Variants in USH2A observed in about 807,000 individuals in gnomAD.
USH2A encodes the protein Usher syndrome 2A (autosomal recessive, mild).
In USH2A, 443 loss-of-function variants were observed where a neutral mutation model predicts 538.9. That is an observed-to-expected ratio of 0.82 (90% CI 0.76 to 0.89). The LOEUF (loss-of-function observed/expected upper bound fraction) is 0.89. Ranked by LOEUF, USH2A falls within the 40% of genes least tolerant of loss-of-function variation. USH2A has a pLI of 0.00. For synonymous variants in USH2A, 2,413 were observed against 2,273.5 expected (o/e 1.06, Z -1.75); for missense variants, 6,633 against 6,324.8 (o/e 1.05, Z -1.65).
intron 41 of USH2A, among the ~76,000 whole-genome samples, chr1:215,879,962 G>A (rs1664866139): frequency 6.6e-6 from 1 of 152,042 alleles, no homozygotes; most frequent in Non-Finnish European, 1.5e-5. Context: ...TTATATAAAT[G>A]CCAGGATATA....
chr1:216,028,540 T>G (rs578092919), intron 32 of USH2A, among the ~76,000 whole-genome samples: 1 of 152,226 alleles, frequency 6.6e-6, no homozygotes, highest in East Asian at 1.9e-4. Flanking sequence ...TGTTTCTATT[T>G]AAGGAAGACA....
chr1:215,717,421 G>T (rs1250748054), intron 61 of USH2A, among the ~76,000 whole-genome samples: 1 of 152,176 alleles, frequency 6.6e-6, no homozygotes, highest in Non-Finnish European at 1.5e-5. Context: ...TGGTTCCATA[G>T]AATGAGTGCT....
rs148940586 is a variant in USH2A at position 215,960,773 on chromosome 1, C to T, written c.7120+4544G>A. ...CATTCACATGTGTTTGTGCTCTCTC[C>T]GTCATTCTCTTTAGTTTTTCCATAT... On this transcript the variant is annotated intron_variant, in intron 37 of 71. Transcript: ENST00000307340. 1.1e-4 allele frequency among the ~76,000 whole-genome samples: 17 copies of T among 152,076 alleles called. No homozygotes were observed. The East Asian group carries it at 1.5e-3, about 14-fold the overall frequency.
chr1:215,760,107 T>TA (rs1660936592), intron 56 of USH2A, among the ~76,000 whole-genome samples: 1 of 152,354 alleles, frequency 6.6e-6, no homozygotes, highest in South Asian at 2.1e-4. Context: ...GAGAGTATTT[T>TA]AAATCAAGGC....
chr1:216,377,863 GAAAGAAGGAAAGAAAGA>G (rs2038863141), intron 3 of USH2A, among the ~76,000 whole-genome samples: 2 of 135,688 alleles, frequency 1.5e-5, no homozygotes, highest in African/African-American at 5.5e-5. Context: ...AAGAAAGAAA[GAAAGAAGGAAAGAAAGA>G]AAGGAAGGAA....
intron 37 of USH2A, among the ~76,000 whole-genome samples, chr1:215,938,151 T>C (rs1174351445): frequency 6.6e-6 from 1 of 152,072 alleles, no homozygotes; most frequent in Non-Finnish European, 1.5e-5. Context: ...ACATAACCAT[T>C]TTGCTCAGCT....
At chr1:216,043,100 T>C (rs2030358226) in intron 32 of USH2A, among the ~76,000 whole-genome samples, 1 of 152,200 alleles carries the variant, frequency 6.6e-6, no homozygotes, top group Admixed American at 6.6e-5. Flanking sequence ...GGGGTCTTTC[T>C]TTTAGAGTTC....
At chr1:216,315,937 T>G (rs2037499572) in intron 9 of USH2A, among the ~76,000 whole-genome samples, 1 of 152,228 alleles carries the variant, frequency 6.6e-6, no homozygotes, top group Non-Finnish European at 1.5e-5. Context: ...TGGATTTGTT[T>G]CACCCTAAAT....
rs114105303 is a variant in USH2A, at chr1:215,848,075, C to T, written c.8846-2042G>A. ...CAATAATGAGGTCATTATTGATCAT[C>T]GGCAGGAACTGACTATTAAAATCCC... On this transcript the variant is annotated intron_variant, in intron 44 of 71. Transcript: ENST00000307340. 6.9e-3 allele frequency among the ~76,000 whole-genome samples: 1,052 copies of T among 152,194 alleles called. 12 individuals carry two copies. The highest frequency in any genetic ancestry group is 0.023 in the African/African-American group (972 of 41,532).
At position 216,078,130 on chromosome 1, in the gene USH2A, T is replaced by C. The variant is rs929486339; in HGVS notation, c.5531A>G (p.Gln1844Arg). The C allele has an allele frequency of 1.2e-6, 2 of 1,613,610 alleles. No homozygotes were observed. The highest frequency in any genetic ancestry group is 1.7e-6 in the Non-Finnish European group (2 of 1,179,772). The change falls in exon 27 of 72, where the codon CAG becomes CGG. Residue 1844 changes from glutamine to arginine, a missense_variant. By Grantham distance (43) the Gln-to-Arg change is conservative (BLOSUM62 1). Coordinates refer to ENST00000307340, the MANE Select transcript of USH2A (RefSeq NM_206933.4). ...NSPVYVGGIP[Q>R]ELLNSYQHLC... Reference sequence around the variant, plus strand: ...ATGTTGATAAGAGTTCAGCAGTTCCTGTGGGATTCCTCCCACATAAACTGG... The same window carrying C: ...ATGTTGATAAGAGTTCAGCAGTTCCCGTGGGATTCCTCCCACATAAACTGG...
intron 38 of USH2A, among the ~76,000 whole-genome samples, chr1:215,902,935 T>C (rs1321679359): frequency 1.3e-5 from 2 of 152,024 alleles, no homozygotes; most frequent in Non-Finnish European, 2.9e-5. Context: ...ATGTGATCTT[T>C]AAAGGCTGAG....
chr1:215,852,742 G>A (rs1010462978), intron 44 of USH2A, among the ~76,000 whole-genome samples: 9 of 152,124 alleles, frequency 5.9e-5, no homozygotes, highest in South Asian at 4.1e-4. Flanking sequence ...AGGCCCCAAC[G>A]CAAGTCCAAA....
chr1:216,325,013 T>G (rs1455826870), intron 6 of USH2A, among the ~76,000 whole-genome samples: 1 of 152,080 alleles, frequency 6.6e-6, no homozygotes, highest in African/African-American at 2.4e-5. Flanking sequence ...AAAGGGATAA[T>G]TGATGCTCAC....
At chr1:215,718,263 A>T (rs1558067777) in intron 61 of USH2A, among the ~76,000 whole-genome samples, 1 of 152,208 alleles carries the variant, frequency 6.6e-6, no homozygotes, top group Non-Finnish European at 1.5e-5. Flanking sequence ...CTCTCTCTAC[A>T]TGAGAGGTCA....
chr1:216,409,288 G>C (rs999092715), intron 3 of USH2A, among the ~76,000 whole-genome samples: 1 of 152,008 alleles, frequency 6.6e-6, no homozygotes, highest in Non-Finnish European at 1.5e-5. Flanking sequence ...GACCAATATC[G>C]TTAAAATGGC....
chr1:215,648,850 C>CA (rs1656951079), intron 65 of USH2A, 84 bp from the exon 66 acceptor site: 2 of 1,324,654 alleles, frequency 1.5e-6, no homozygotes, highest in Non-Finnish European at 2.2e-6. Context: ...CCACCTCCTA[C>CA]AAATGGAGTA....
chr1:216,257,470 A>T (rs928549560), intron 11 of USH2A, among the ~76,000 whole-genome samples: 1 of 151,962 alleles, frequency 6.6e-6, no homozygotes, highest in Admixed American at 6.6e-5. Context: ...TATCATTAAA[A>T]ATTTATCACT....
At chr1:215,786,519 A>T in intron 52 of USH2A, 151 bp downstream of exon 52, 1 of 828,388 alleles carries the variant, frequency 1.2e-6, no homozygotes, top group Non-Finnish European at 2.0e-6. Flanking sequence ...TTATGCCTTT[A>T]ATTACCTTGT....
intron 47 of USH2A, among the ~76,000 whole-genome samples, chr1:215,822,963 C>T (rs945821667): frequency 7.9e-5 from 12 of 151,880 alleles, no homozygotes; most frequent in East Asian, 1.9e-4. Flanking sequence ...GACTTTATGT[C>T]GTCTCAATTT....
Sources: gnomAD v4.1 joint callset for allele counts (sites outside exome capture counted in the v4.1 genomes callset) on GRCh38, gnomAD v4.1.1 for gene constraint, MANE v1.5 for transcripts, NCBI Gene and HGNC (gene_info 2026-07-23, HGNC 2026-07-21) for gene names.